CELF2: variants seen among roughly 807,000 people sequenced by gnomAD.
CELF2 encodes the protein CUG triplet repeat RNA-binding protein 2.
Under a neutral mutation model 62.6 loss-of-function variants are expected in CELF2, and 8 were observed. That is an observed-to-expected ratio of 0.13 (90% CI 0.07 to 0.23). The LOEUF is 0.23. Ranked by LOEUF, CELF2 falls within the 10% of genes least tolerant of loss-of-function variation. CELF2 has a pLI of 1.00. For missense variants in CELF2, 333 were observed against 671.0 expected (o/e 0.50, Z 5.56); for synonymous variants, 258 against 250.0 (o/e 1.03, Z -0.30).
intron 2 of CELF2, among the ~76,000 whole-genome samples, chr10:10,929,205 C>T (rs1275619850): frequency 1.3e-5 from 2 of 152,174 alleles, no homozygotes; most frequent in African/African-American, 2.4e-5. Context: ...ATGGAAGCTA[C>T]GAGATCAGTC....
chr10:10,494,239 A>G, the CELF2 span, among the ~76,000 whole-genome samples: 4 of 152,224 alleles, frequency 2.6e-5, no homozygotes, highest in African/African-American at 9.6e-5. Flanking sequence ...GAAGGGATGA[A>G]AAGGTAGCAG....
At chr10:11,034,782 C>G (rs2060695921) in intron 1 of CELF2, among the ~76,000 whole-genome samples, 1 of 152,158 alleles carries the variant, frequency 6.6e-6, no homozygotes, top group African/African-American at 2.4e-5. Flanking sequence ...TTTATCGAGC[C>G]TGTCCTTTTG....
At chr10:10,536,233 T>C in the CELF2 span, among the ~76,000 whole-genome samples, 1 of 152,130 alleles carries the variant, frequency 6.6e-6, no homozygotes. Context: ...TTGGTCAGGA[T>C]GGTCTCGATC....
In CELF2 at chr10:11,227,309, C is replaced by T. The variant is rs1033256210; in HGVS notation, c.354+9802C>T. On this transcript the variant is annotated intron_variant, in intron 3 of 12. Transcript: ENST00000633077. The surrounding 1 kb of genome is among the most constrained non-coding windows in gnomAD (Gnocchi z 4.8). Reference sequence around the variant, plus strand: ...TCTAAGCTTCTGAATCTGCTGCTGCCGACAAGGGACCAGACTCACCACCAC... The same window carrying T: ...TCTAAGCTTCTGAATCTGCTGCTGCTGACAAGGGACCAGACTCACCACCAC... Among the ~76,000 whole-genome samples the T allele has an allele frequency of 5.3e-5, 8 of 152,164 alleles. No individual in the cohort carries two copies. The highest frequency in any genetic ancestry group is 1.0e-4 in the Non-Finnish European group (7 of 68,026).
chr10:10,498,840 A>C, the CELF2 span, among the ~76,000 whole-genome samples: 1 of 152,214 alleles, frequency 6.6e-6, no homozygotes, highest in Non-Finnish European at 1.5e-5. Flanking sequence ...TGGTCTCATT[A>C]AGATCTTTAC....
At chr10:10,507,462 G>A in the CELF2 span, among the ~76,000 whole-genome samples, 23 of 152,234 alleles carry the variant, frequency 1.5e-4, no homozygotes, top group East Asian at 9.6e-4. Flanking sequence ...AACAGGTCAG[G>A]TACAAATGCA....
At chr10:10,547,829 C>T in the CELF2 span, among the ~76,000 whole-genome samples, 1 of 151,944 alleles carries the variant, frequency 6.6e-6, no homozygotes, top group Non-Finnish European at 1.5e-5. Context: ...GCTTCCATTG[C>T]TGAGCAAGAT....
At chr10:10,807,711 A>G (rs2055376884) in intron 1 of CELF2, among the ~76,000 whole-genome samples, 1 of 152,242 alleles carries the variant, frequency 6.6e-6, no homozygotes, top group Non-Finnish European at 1.5e-5. Flanking sequence ...AGTATTAAAG[A>G]GCCAGCAATA....
the CELF2 span, among the ~76,000 whole-genome samples, chr10:10,630,599 G>C: frequency 6.6e-6 from 1 of 152,222 alleles, no homozygotes; most frequent in African/African-American, 2.4e-5. Flanking sequence ...ACGTTTTGTA[G>C]CCACTAAACC....
chr10:10,925,685 G>A (rs1018232416), intron 2 of CELF2, among the ~76,000 whole-genome samples: 4 of 152,112 alleles, frequency 2.6e-5, no homozygotes, highest in African/African-American at 7.2e-5. Context: ...GGACTGGAGC[G>A]AGTGGGTCAG....
the CELF2 span, among the ~76,000 whole-genome samples, chr10:10,516,923 G>A: frequency 0.49 from 74,842 of 151,526 alleles, 19,771 homozygotes; most frequent in East Asian, 0.74. Flanking sequence ...CTTAGAGGGC[G>A]GCACCCACCT....
At chr10:10,556,148 C>T in the CELF2 span, among the ~76,000 whole-genome samples, 4 of 152,204 alleles carry the variant, frequency 2.6e-5, no homozygotes, top group Middle Eastern at 3.4e-3. Context: ...CGTCATCTAG[C>T]ATTAGGTATA....
At position 11,242,422 on chromosome 10, in the gene CELF2, C is replaced by T. The variant is rs2074233825; in HGVS notation, c.355-6731C>T. Among the ~76,000 whole-genome samples the T allele has an allele frequency of 6.6e-6, 1 of 152,076 alleles. No individual in the cohort carries two copies. Among genetic ancestry groups the T allele is most frequent in the South Asian group, 2.1e-4 (1 of 4,800 alleles). On this transcript the variant is annotated intron_variant, in intron 3 of 12. Transcript: ENST00000633077. This position sits in a 1 kb window ranked among gnomAD's most constrained non-coding sequence, Gnocchi z 4.8. ...GGCCTGTGTTGGCTCGGAACCCTCC[C>T]TTCCTACAGCAGAGACCCACCGAGG...
At chr10:11,273,948 C>G (rs113721375) in intron 7 of CELF2, among the ~76,000 whole-genome samples, 2 of 147,668 alleles carry the variant, frequency 1.4e-5, no homozygotes, top group Non-Finnish European at 3.0e-5. Flanking sequence ...GTCTCGAACT[C>G]CTAACCTCAA....
the CELF2 span, among the ~76,000 whole-genome samples, chr10:10,499,152 C>T: frequency 1.7e-4 from 26 of 151,704 alleles, no homozygotes; most frequent in Non-Finnish European, 3.5e-4. Context: ...CTGCAACCTC[C>T]GCCTCCTGGG....
the CELF2 span, among the ~76,000 whole-genome samples, chr10:10,514,354 C>T: frequency 6.6e-6 from 1 of 152,108 alleles, no homozygotes; most frequent in Non-Finnish European, 1.5e-5. Context: ...ACTGGTGAAT[C>T]CACTTAGTCA....
rs2082384462 is a variant in CELF2 at position 11,267,166 on chromosome 10, T to C, written c.618+489T>C. 6.6e-6 allele frequency among the ~76,000 whole-genome samples: 1 copy of C among 152,244 alleles called. No individual in the cohort carries two copies. Among genetic ancestry groups the C allele is most frequent in the African/African-American group, 2.4e-5 (1 of 41,460 alleles). ...GCATTGTGTTTTTACATCAAGAATG[T>C]TGGAGAAAGTTAATATTTCTCCCAC... On this transcript the variant is annotated intron_variant, in intron 6 of 12. Transcript: ENST00000633077. The surrounding 1 kb of genome is among the most constrained non-coding windows in gnomAD (Gnocchi z 4.4).
At chr10:11,077,383 C>A (rs570339295) in intron 1 of CELF2, among the ~76,000 whole-genome samples, 1 of 152,154 alleles carries the variant, frequency 6.6e-6, no homozygotes, top group South Asian at 2.1e-4. Context: ...CTGAAATAAT[C>A]CCAAGTGGGT....
intron 1 of CELF2, among the ~76,000 whole-genome samples, chr10:11,155,236 C>G (rs911191459): frequency 6.6e-6 from 1 of 152,210 alleles, no homozygotes; most frequent in African/African-American, 2.4e-5. Flanking sequence ...TTGGATGAGA[C>G]AAGCTTGTGA....
Sources: gnomAD v4.1 joint callset for allele counts (sites outside exome capture counted in the v4.1 genomes callset) on GRCh38, gnomAD v4.1.1 for gene constraint, Gnocchi (gnomAD v3.1) non-coding constraint, MANE v1.5 for transcripts, NCBI Gene and HGNC (gene_info 2026-07-23, HGNC 2026-07-21) for gene names.